Variants in ADAMTSL1 observed in about 807,000 individuals in gnomAD.
The protein encoded by ADAMTSL1 is ADAMTS-like protein 1.
A neutral mutation model predicts 201.8 loss-of-function variants in ADAMTSL1; 126 were observed. The observed-to-expected ratio is 0.62, with a 90% CI of 0.54 to 0.72. The LOEUF is 0.72. ADAMTSL1 is among the 30% of genes least tolerant of loss of function. ADAMTSL1 has a pLI of 0.00. For missense variants in ADAMTSL1, 2,679 were observed against 2,277.8 expected, an observed-to-expected ratio of 1.18 and a Z score of -3.59; for synonymous variants, 1,121 against 903.4, an observed-to-expected ratio of 1.24 and a Z score of -4.32.
chr9:18,547,633 T>TAAAAAAAAAAAAAAAAAA (rs56789652), intron 3 of ADAMTSL1, among the ~76,000 whole-genome samples: 1 of 86,268 alleles, frequency 1.2e-5, no homozygotes, highest in African/African-American at 5.2e-5. Flanking sequence ...TATATATATA[T>TAAAAAAAAAAAAAAAAAA]AAAAAAAAAA....
At chr9:18,424,366 G>A (rs1414232945) in intron 2 of ADAMTSL1, among the ~76,000 whole-genome samples, 1 of 152,204 alleles carries the variant, frequency 6.6e-6, no homozygotes, top group Non-Finnish European at 1.5e-5. Context: ...GCTAAGCAGA[G>A]GGCCTGGAAA....
chr9:18,434,329 T>C (rs1224157527), intron 2 of ADAMTSL1, among the ~76,000 whole-genome samples: 1 of 152,164 alleles, frequency 6.6e-6, no homozygotes, highest in Non-Finnish European at 1.5e-5. Flanking sequence ...AGCTCCACCA[T>C]GCATCCCTTC....
intron 1 of ADAMTSL1, among the ~76,000 whole-genome samples, chr9:18,089,079 G>A (rs1015762753): frequency 6.6e-6 from 1 of 152,282 alleles, no homozygotes; most frequent in South Asian, 2.1e-4. Flanking sequence ...ATGAACCCAG[G>A]AGATGGAGGT....
chr9:18,494,435 A>G (rs906579458), intron 1 of ADAMTSL1, among the ~76,000 whole-genome samples: 2 of 152,092 alleles, frequency 1.3e-5, no homozygotes. Flanking sequence ...GTGGCATTGC[A>G]TCTTAGAGCA....
At chr9:18,693,748 T>C (rs1309293388) in intron 13 of ADAMTSL1, among the ~76,000 whole-genome samples, 1 of 152,308 alleles carries the variant, frequency 6.6e-6, no homozygotes, top group Middle Eastern at 3.4e-3. Flanking sequence ...TCATAGAGAT[T>C]TGGTCAAGTG....
chr9:17,991,251 T>G (rs956509976), intron 1 of ADAMTSL1, among the ~76,000 whole-genome samples: 2 of 152,188 alleles, frequency 1.3e-5, no homozygotes, highest in Non-Finnish European at 2.9e-5. Context: ...CTGTATACTA[T>G]ATGGCTGCTC....
intron 2 of ADAMTSL1, among the ~76,000 whole-genome samples, chr9:18,279,417 G>A (rs1832701909): frequency 6.6e-6 from 1 of 151,400 alleles, no homozygotes. Context: ...ATTTCTTAAG[G>A]GTCAGTTACT....
intron 2 of ADAMTSL1, among the ~76,000 whole-genome samples, chr9:18,207,639 G>A (rs1393306637): frequency 1.3e-5 from 2 of 152,162 alleles, no homozygotes; most frequent in East Asian, 3.9e-4. Flanking sequence ...ATGGTCCGAT[G>A]CTAGTCATTT....
rs77423279 is a variant in ADAMTSL1 at position 18,858,265 on chromosome 9, A to G, written c.4249+28288A>G. 5.7e-3 allele frequency among the ~76,000 whole-genome samples: 870 copies of G among 152,154 alleles called. 12 individuals carry two copies. Among genetic ancestry groups the G allele is most frequent in the African/African-American group, 0.02 (823 of 41,500 alleles). ...ACTTTCTTATGCGATCAAGCCCTCCATATAAACAGCCTCCTACCATTGCTG... is the reference window on the plus strand; with the variant it reads ...ACTTTCTTATGCGATCAAGCCCTCCGTATAAACAGCCTCCTACCATTGCTG... On this transcript the variant is annotated intron_variant, in intron 23 of 28. Transcript: ENST00000380548.
At chr9:18,884,643 G>A (rs1828743607) in intron 23 of ADAMTSL1, among the ~76,000 whole-genome samples, 1 of 152,050 alleles carries the variant, frequency 6.6e-6, no homozygotes, top group South Asian at 2.1e-4. Flanking sequence ...AGAACCATTT[G>A]TTGGCAAGAC....
intron 2 of ADAMTSL1, among the ~76,000 whole-genome samples, chr9:18,314,782 CTTTTTTTTTTTTTTTTTT>C (rs776046209): frequency 2.8e-4 from 14 of 49,840 alleles, no homozygotes; most frequent in Non-Finnish European, 3.6e-4. Flanking sequence ...CGGCAGCGTG[CTTTTTTTTTTTTTTTTTT>C]TTTTTTTTTT....
chr9:18,365,225 T>G (rs1836716441), intron 2 of ADAMTSL1, among the ~76,000 whole-genome samples: 1 of 152,186 alleles, frequency 6.6e-6, no homozygotes, highest in African/African-American at 2.4e-5. Flanking sequence ...TACTTACCAT[T>G]GAAGCCCATA....
chr9:17,964,436 C>A (rs1377151474), intron 1 of ADAMTSL1, among the ~76,000 whole-genome samples: 1 of 152,024 alleles, frequency 6.6e-6, no homozygotes, highest in Non-Finnish European at 1.5e-5. Context: ...TTAGTGGTAG[C>A]CAGGGGTTAG....
At chr9:18,223,076 T>A (rs550952474) in intron 2 of ADAMTSL1, among the ~76,000 whole-genome samples, 9 of 152,148 alleles carry the variant, frequency 5.9e-5, no homozygotes, top group African/African-American at 2.2e-4. Flanking sequence ...GAGGGAGATT[T>A]CTAAATTTAA....
At chr9:17,952,796 G>T (rs1287300042) in intron 1 of ADAMTSL1, among the ~76,000 whole-genome samples, 2 of 152,080 alleles carry the variant, frequency 1.3e-5, no homozygotes, top group Non-Finnish European at 2.9e-5. Context: ...CAAAGTGCCG[G>T]GCTTACAGGC....
At chr9:17,934,237 C>T (rs1333212192) in intron 1 of ADAMTSL1, among the ~76,000 whole-genome samples, 1 of 152,056 alleles carries the variant, frequency 6.6e-6, no homozygotes, top group African/African-American at 2.4e-5. Flanking sequence ...AGGTAATTCC[C>T]CCATAAACTC....
intron 9 of ADAMTSL1, among the ~76,000 whole-genome samples, chr9:18,664,955 C>T (rs1373119439): frequency 6.6e-6 from 1 of 151,880 alleles, no homozygotes; most frequent in Non-Finnish European, 1.5e-5. Flanking sequence ...AAAATATATT[C>T]AAACATGTTA....
At chr9:18,067,186 A>G (rs945926358) in intron 1 of ADAMTSL1, among the ~76,000 whole-genome samples, 3 of 152,186 alleles carry the variant, frequency 2.0e-5, no homozygotes, top group Admixed American at 6.5e-5. Flanking sequence ...TTAGATTCCA[A>G]TCCCAGCTCT....
At chr9:18,288,524 G>A (rs1833115183) in intron 2 of ADAMTSL1, among the ~76,000 whole-genome samples, 3 of 152,128 alleles carry the variant, frequency 2.0e-5, no homozygotes, top group Admixed American at 2.0e-4. Context: ...GTGATTAGCT[G>A]CTTTAGACAT....
Sources: gnomAD v4.1 joint callset for allele counts (sites outside exome capture counted in the v4.1 genomes callset) on GRCh38, gnomAD v4.1.1 for gene constraint, MANE v1.5 for transcripts, NCBI Gene and HGNC (gene_info 2026-07-23, HGNC 2026-07-21) for gene names.